Variants in MPHOSPH9 observed in about 807,000 individuals in gnomAD.
MPHOSPH9 encodes the protein M-phase phosphoprotein 9.
A neutral mutation model predicts 145.5 loss-of-function variants in MPHOSPH9; 88 were observed. The observed-to-expected ratio is 0.60, with a 90% CI of 0.51 to 0.72. MPHOSPH9 has a LOEUF of 0.72. Among genes scored for constraint, MPHOSPH9 ranks in the 30% least tolerant of loss-of-function variants. The pLI is 0.00. For synonymous variants in MPHOSPH9, 435 were observed against 486.2 expected (o/e 0.89, Z 1.39); for missense variants, 1,238 against 1,386.6 (o/e 0.89, Z 1.70).
chr12:123,192,383 G>A (rs1402813177), intron 13 of MPHOSPH9, among the ~76,000 whole-genome samples: 1 of 151,588 alleles, frequency 6.6e-6, no homozygotes. Flanking sequence ...GAACCCGGGA[G>A]GCAGAGGTTG....
At chr12:123,203,533 A>G (rs1391483459) in intron 8 of MPHOSPH9, among the ~76,000 whole-genome samples, 158 bp from the exon 9 acceptor site, 1 of 152,216 alleles carries the variant, frequency 6.6e-6, no homozygotes, top group Non-Finnish European at 1.5e-5. Context: ...ATTACCTAGT[A>G]TGATGAGTCT....
upstream of MPHOSPH9, among the ~76,000 whole-genome samples, chr12:123,237,864 C>G (rs1205528123): frequency 6.6e-6 from 1 of 151,622 alleles, no homozygotes; most frequent in Non-Finnish European, 1.5e-5. Context: ...ATGCTACTTT[C>G]TTTTTAACTA....
In MPHOSPH9 at chr12:123,202,566, T is replaced by G. The variant is rs1023033872; in HGVS notation, c.1781+58A>C. 4.7e-6 allele frequency: 7 copies of G among 1,475,096 alleles called. No homozygotes were observed. The African/African-American group carries it at 7.0e-5, about 15-fold the overall frequency. 91.4% of individuals were successfully genotyped at this position (1,475,096 alleles called of 1,614,324 possible). A position where few individuals can be genotyped will look rare whatever the true frequency, so the allele number is the denominator to read the frequency against. On this transcript the variant is annotated intron_variant, in intron 10 of 23. Coordinates refer to ENST00000606320, the MANE Select transcript of MPHOSPH9 (RefSeq NM_022782.4). ...TACTGAAGTTCAATAAAGATCATTT[T>G]CAATCAGATATCACAGAAAATCTAT... is the stretch of plus-strand genomic sequence containing the variant.
rs368379789 is a variant in MPHOSPH9 at position 123,159,159 on chromosome 12, A to ATTT, written c.3450+1619_3450+1621dup. Among the ~76,000 whole-genome samples the ATTT allele has an allele frequency of 6.6e-6, 1 of 151,398 alleles. No individual in the cohort carries two copies. Among genetic ancestry groups the ATTT allele is most frequent in the Non-Finnish European group, 1.5e-5 (1 of 67,808 alleles). ...TTAAAAAATGATCACATTGGCAGGT[A>ATTT]TTTTTTTTTATTATTCTTTTTCAGA... is the stretch of plus-strand genomic sequence containing the variant. On this transcript the variant is annotated intron_variant, in intron 23 of 23. Transcript: ENST00000606320. This position sits in a 1 kb window ranked among gnomAD's most constrained non-coding sequence, Gnocchi z 4.3.
chr12:123,164,999 C>T (rs1445362768), intron 18 of MPHOSPH9, among the ~76,000 whole-genome samples: 1 of 117,332 alleles, frequency 8.5e-6, no homozygotes, highest in Non-Finnish European at 1.6e-5. Context: ...AAGAGTGAGA[C>T]TCTGTCTCAC....
chr12:123,196,266 C>T (rs986636949), intron 12 of MPHOSPH9, among the ~76,000 whole-genome samples: 1 of 152,030 alleles, frequency 6.6e-6, no homozygotes, highest in Non-Finnish European at 1.5e-5. Flanking sequence ...AGGAGAATCC[C>T]TTGAACCAGG....
At chr12:123,176,592 C>G in intron 16 of MPHOSPH9, 96 bp downstream of exon 16, 1 of 892,838 alleles carries the variant, frequency 1.1e-6, no homozygotes, top group East Asian at 2.6e-5. Context: ...TGACATTTAA[C>G]CCGGACTTTC....
rs559635817 is a variant in MPHOSPH9 at position 123,195,592 on chromosome 12, A to G, written c.2026-991T>C. Among the ~76,000 whole-genome samples, 26 of 152,276 alleles carry G rather than the reference A, an allele frequency of 1.7e-4. No homozygotes were observed. In the East Asian group the frequency reaches 4.8e-3, roughly 28 times the overall value. ...CAGAGTGAGACTCTGTCTCAAAAAA[A>G]AAAAAGAAAATACAGGAAATTAAAA... On this transcript the variant is annotated intron_variant, in intron 12 of 23. Transcript: ENST00000606320.
intron 16 of MPHOSPH9, among the ~76,000 whole-genome samples, chr12:123,167,316 G>A (rs2044360088): frequency 6.6e-6 from 1 of 152,130 alleles, no homozygotes; most frequent in Non-Finnish European, 1.5e-5. Flanking sequence ...TATCAAAATG[G>A]AGTCACTAAT....
intron 13 of MPHOSPH9, among the ~76,000 whole-genome samples, chr12:123,183,883 G>A (rs184313135): frequency 6.6e-6 from 1 of 152,236 alleles, no homozygotes; most frequent in Non-Finnish European, 1.5e-5. Context: ...ATAGTGGAGT[G>A]GGAGGCAGAG....
At chr12:123,238,470 G>A (rs1429980414) in intron 1 of MPHOSPH9, among the ~76,000 whole-genome samples, 3 of 152,050 alleles carry the variant, frequency 2.0e-5, no homozygotes, top group Non-Finnish European at 2.9e-5. Flanking sequence ...TTTCTTAAAT[G>A]TCATATAAAT....
At chr12:123,224,461 T>G (rs952269820) in intron 3 of MPHOSPH9, among the ~76,000 whole-genome samples, 1 of 151,834 alleles carries the variant, frequency 6.6e-6, no homozygotes, top group Non-Finnish European at 1.5e-5. Context: ...AGTAGAGACA[T>G]GGTTTCACCA....
chr12:123,165,169 G>C (rs368025277), intron 18 of MPHOSPH9, 133 bp downstream of exon 18: 1 of 744,002 alleles, frequency 1.3e-6, no homozygotes, highest in African/African-American at 1.8e-5. Context: ...CGGGGCTGAA[G>C]TAGCAGTAAA....
intron 14 of MPHOSPH9, among the ~76,000 whole-genome samples, chr12:123,180,279 C>A (rs1212426423): frequency 6.6e-6 from 1 of 152,066 alleles, no homozygotes; most frequent in Non-Finnish European, 1.5e-5. Flanking sequence ...TGACTAAAAC[C>A]TCAGAAGGAT....
chr12:123,235,399 T>C (rs540528619), upstream of MPHOSPH9, among the ~76,000 whole-genome samples: 1 of 151,378 alleles, frequency 6.6e-6, no homozygotes, highest in South Asian at 2.1e-4. Context: ...GGTCCAAACG[T>C]AGTGAGTTTT....
intron 8 of MPHOSPH9, among the ~76,000 whole-genome samples, chr12:123,208,807 C>A (rs1421318977): frequency 2.0e-5 from 3 of 151,872 alleles, no homozygotes; most frequent in Non-Finnish European, 4.4e-5. Flanking sequence ...AATGGTGTGA[C>A]CTCCCGGGCT....
chr12:123,218,184 A>T (rs2047049933), intron 6 of MPHOSPH9, among the ~76,000 whole-genome samples, 192 bp downstream of exon 6: 1 of 151,344 alleles, frequency 6.6e-6, no homozygotes, highest in African/African-American at 2.4e-5. Context: ...GTGAGCCGAG[A>T]TCACGTCATT....
At chr12:123,237,640 T>A (rs558188147), upstream of MPHOSPH9, among the ~76,000 whole-genome samples, 2 of 152,212 alleles carry the variant, frequency 1.3e-5, no homozygotes. Flanking sequence ...CTATTATGCT[T>A]TCCTTGTTTG....
chr12:123,241,152 GT>G (rs112060198), intron 1 of MPHOSPH9, among the ~76,000 whole-genome samples: 88,169 of 148,898 alleles, frequency 0.59, 30,073 homozygotes, highest in Non-Finnish European at 0.75. Flanking sequence ...TTTTTTTTTT[GT>G]TTTTGTTTTT....
Sources: allele counts gnomAD v4.1 joint callset (sites outside exome capture counted in the v4.1 genomes callset), GRCh38; gene constraint gnomAD v4.1.1; non-coding constraint Gnocchi (gnomAD v3.1); transcripts MANE v1.5; gene names NCBI Gene and HGNC (gene_info 2026-07-23, HGNC 2026-07-21).